Variants in SMAP1 observed in about 807,000 individuals in gnomAD.
SMAP1 encodes the protein small ArfGAP 1.
Under a neutral mutation model 58.5 loss-of-function variants are expected in SMAP1, and 24 were observed. The ratio of observed to expected loss-of-function variants is 0.41; its 90% CI spans 0.30 to 0.58. The LOEUF is 0.58. Among genes scored for constraint, SMAP1 ranks in the 20% least tolerant of loss-of-function variants. SMAP1 has a pLI of 0.29. For missense variants in SMAP1, 563 were observed against 566.3 expected (o/e 0.99, Z 0.06); for synonymous variants, 216 against 196.6 (o/e 1.10, Z -0.82).
intron 1 of SMAP1, among the ~76,000 whole-genome samples, chr6:70,719,331 A>T (rs1254924691): frequency 2.0e-5 from 3 of 152,174 alleles, no homozygotes; most frequent in East Asian, 1.9e-4. Flanking sequence ...TATTATTGTC[A>T]TTGAATGGTT....
intron 3 of SMAP1, among the ~76,000 whole-genome samples, chr6:70,770,622 A>T (rs540877841): frequency 6.6e-6 from 1 of 151,816 alleles, no homozygotes; most frequent in Non-Finnish European, 1.5e-5. Context: ...GCCCTTCTCT[A>T]TATTGGTTAT....
chr6:70,716,975 G>A (rs1376410360), intron 1 of SMAP1, among the ~76,000 whole-genome samples: 2 of 152,150 alleles, frequency 1.3e-5, no homozygotes, highest in East Asian at 1.9e-4. Context: ...TACTAGTCTT[G>A]TGAGACTGGT....
At chr6:70,715,846 G>A (rs2149841810) in intron 1 of SMAP1, among the ~76,000 whole-genome samples, 1 of 152,200 alleles carries the variant, frequency 6.6e-6, no homozygotes, top group Non-Finnish European at 1.5e-5. Context: ...CATCACTCGA[G>A]CACTAAACCC....
At chr6:70,775,587 TAG>T (rs1005013552) in intron 4 of SMAP1, among the ~76,000 whole-genome samples, 3 of 152,218 alleles carry the variant, frequency 2.0e-5, no homozygotes, top group African/African-American at 4.8e-5. Flanking sequence ...TTTGTGTCTG[TAG>T]AGAGAGAACA....
chr6:70,690,706 A>AT (rs201211170), intron 1 of SMAP1, among the ~76,000 whole-genome samples: 1 of 146,170 alleles, frequency 6.8e-6, no homozygotes, highest in African/African-American at 2.5e-5. Context: ...ATATATATAT[A>AT]TATTTTTGAA....
At chr6:70,859,255 T>C in intron 10 of SMAP1, 1 of 1,054,024 alleles carries the variant, frequency 9.5e-7, no homozygotes, top group South Asian at 1.6e-5. Flanking sequence ...ATGGTCAACA[T>C]GCTGAAGCAC....
intron 7 of SMAP1, among the ~76,000 whole-genome samples, chr6:70,840,175 T>C (rs1246697315): frequency 1.3e-5 from 2 of 152,208 alleles, no homozygotes; most frequent in Non-Finnish European, 2.9e-5. Context: ...AGAACTTGTA[T>C]AGCGATAGTT....
At chr6:70,818,241 C>T (rs1004056723) in intron 6 of SMAP1, among the ~76,000 whole-genome samples, 1 of 127,432 alleles carries the variant, frequency 7.8e-6, no homozygotes, top group East Asian at 2.4e-4. Context: ...TAAAAAATTA[C>T]AAAAAAAAAA....
chr6:70,860,457 T>A lies in SMAP1; in HGVS notation c.*123T>A, dbSNP rs77239990. ...TTTACCCATTTGTTCATATTAAGAATGATCTGATTGACCGTGTTGGTCTGT... is the reference window on the plus strand; with the variant it reads ...TTTACCCATTTGTTCATATTAAGAAAGATCTGATTGACCGTGTTGGTCTGT... On this transcript the variant is annotated 3_prime_UTR_variant, in exon 11 of 11. Coordinates refer to ENST00000370455, the MANE Select transcript of SMAP1 (RefSeq NM_001044305.3). 8.1e-4 allele frequency: 941 copies of A among 1,165,420 alleles called. 10 individuals are homozygous for A. The African/African-American group carries it at 0.013, about 16-fold the overall frequency. 72.2% of individuals were successfully genotyped at this position (1,165,420 alleles called of 1,614,324 possible). A position where few individuals can be genotyped will look rare whatever the true frequency, so the allele number is the denominator to read the frequency against.
intron 6 of SMAP1, among the ~76,000 whole-genome samples, chr6:70,819,895 C>T (rs1414555821): frequency 2.0e-5 from 3 of 152,140 alleles, no homozygotes; most frequent in Admixed American, 6.5e-5. Context: ...TGGTTTCAAA[C>T]ATTGGACTGG....
At chr6:70,795,296 A>G (rs185126770) in intron 5 of SMAP1, among the ~76,000 whole-genome samples, 13 of 152,320 alleles carry the variant, frequency 8.5e-5, no homozygotes, top group Admixed American at 3.9e-4. Context: ...ACTCATGACA[A>G]TGGCCTTCTT....
intron 8 of SMAP1, 131 bp downstream of exon 8, chr6:70,852,795 G>C: frequency 8.9e-7 from 1 of 1,121,924 alleles, no homozygotes; most frequent in Non-Finnish European, 1.2e-6. Context: ...TTAGGCTAGA[G>C]TTTAGCAAAC....
chr6:70,837,747 C>T, intron 7 of SMAP1: 5 of 1,175,282 alleles, frequency 4.3e-6, no homozygotes, highest in Non-Finnish European at 5.4e-6. Context: ...TGAGCCTTGG[C>T]ACAGGAATAA....
At chr6:70,695,129 T>A (rs1767346933) in intron 1 of SMAP1, among the ~76,000 whole-genome samples, 1 of 152,224 alleles carries the variant, frequency 6.6e-6, no homozygotes, top group South Asian at 2.1e-4. Context: ...TTTTTGTATA[T>A]TGATTGTGTA....
chr6:70,714,719 AC>A (rs199921549), intron 1 of SMAP1, among the ~76,000 whole-genome samples: 3,041 of 152,290 alleles, frequency 0.02, 90 homozygotes, highest in African/African-American at 0.069. Flanking sequence ...AACAAAAAAA[AC>A]ATTATGTTGT....
intron 1 of SMAP1, among the ~76,000 whole-genome samples, chr6:70,706,803 A>G (rs912538757): frequency 3.9e-5 from 6 of 152,300 alleles, no homozygotes; most frequent in African/African-American, 1.4e-4. Context: ...TTTGGCATGA[A>G]TGTATGGTCA....
At chr6:70,830,195 T>C (rs1008213114) in intron 6 of SMAP1, among the ~76,000 whole-genome samples, 36 of 152,352 alleles carry the variant, frequency 2.4e-4, no homozygotes, top group African/African-American at 7.9e-4. Context: ...TCTTCACTTA[T>C]TAAAAGACAA....
At chr6:70,792,326 A>ATTTTTTT (rs70990333) in intron 5 of SMAP1, among the ~76,000 whole-genome samples, 3 of 140,172 alleles carry the variant, frequency 2.1e-5, no homozygotes, top group Admixed American at 7.1e-5. Flanking sequence ...CTCTTTACCT[A>ATTTTTTT]TTTTTTTTTT....
intron 6 of SMAP1, among the ~76,000 whole-genome samples, chr6:70,835,774 T>C (rs530137632): frequency 1.1e-3 from 171 of 152,304 alleles, no homozygotes; most frequent in Non-Finnish European, 2.0e-3. Context: ...CCTAAAGTGC[T>C]GGTATTACAG....
Sources: allele counts gnomAD v4.1 joint callset (sites outside exome capture counted in the v4.1 genomes callset), GRCh38; gene constraint gnomAD v4.1.1; transcripts MANE v1.5; gene names NCBI Gene and HGNC (gene_info 2026-07-23, HGNC 2026-07-21).